Variants in DCT observed in about 807,000 individuals in gnomAD.
The protein encoded by DCT is dopachrome tautomerase.
A neutral mutation model predicts 53.0 loss-of-function variants in DCT; 47 were observed. The observed-to-expected ratio is 0.89, with a 90% CI of 0.70 to 1.13. DCT has a LOEUF of 1.13. Among genes scored for constraint, DCT ranks in the 50% most tolerant of loss-of-function variants. The probability of loss-of-function intolerance (pLI) is 0.00; values close to 1 mark genes in which losing one functional copy is unlikely to be tolerated. For missense variants in DCT, 669 were observed against 637.4 expected (o/e 1.05, Z -0.53); for synonymous variants, 244 against 237.0 (o/e 1.03, Z -0.27).
chr13:94,508,556 T>C, the DCT span, among the ~76,000 whole-genome samples: 4 of 152,186 alleles, frequency 2.6e-5, no homozygotes, highest in African/African-American at 7.2e-5. Flanking sequence ...AACCTTGTCA[T>C]AAAAATGAAA....
At chr13:94,505,928 T>A in the DCT span, among the ~76,000 whole-genome samples, 1 of 152,124 alleles carries the variant, frequency 6.6e-6, no homozygotes, top group Admixed American at 6.6e-5. Flanking sequence ...AAGTGAATTA[T>A]CTCCAGCTGA....
the DCT span, among the ~76,000 whole-genome samples, chr13:94,539,726 T>C: frequency 1.3e-5 from 2 of 152,088 alleles, no homozygotes; most frequent in Non-Finnish European, 2.9e-5. Context: ...TTAGGGAACA[T>C]AAACATGATT....
chr13:94,540,684 G>A, the DCT span, among the ~76,000 whole-genome samples: 3,335 of 152,234 alleles, frequency 0.022, 44 homozygotes, highest in Non-Finnish European at 0.032. Flanking sequence ...GGGAACCCTC[G>A]TACACTGTTG....
rs558487283 is a variant in DCT at position 94,444,348 on chromosome 13, G to A, written c.1180-711C>T. ...ATCAATATTATAATATAAAGGAACA[G>A]TAAATTTTTCTCACCAGGAATACTC... On this transcript the variant is annotated intron_variant, in intron 6 of 7. Coordinates refer to ENST00000377028, the MANE Select transcript of DCT (RefSeq NM_001922.5). 6 of 511,688 alleles carry A rather than the reference G, an allele frequency of 1.2e-5. No individual in the cohort carries two copies. The East Asian group carries it at 3.3e-4, about 28-fold the overall frequency. The allele number at this position is 511,688 out of a possible 1,614,324, so 31.7% of individuals were successfully genotyped here. A position where few individuals can be genotyped will look rare whatever the true frequency, so the allele number is the denominator to read the frequency against.
rs1462288212 is a variant in DCT at position 94,438,155 on chromosome 13, A to T, written c.*1743T>A. 1.3e-5 allele frequency: 2 copies of T among 152,338 alleles called. No homozygotes were observed. Among genetic ancestry groups the T allele is most frequent in the African/African-American group, 4.8e-5 (2 of 41,462 alleles). 9.4% of individuals were successfully genotyped at this position (152,338 alleles called of 1,614,324 possible). A position where few individuals can be genotyped will look rare whatever the true frequency, so the allele number is the denominator to read the frequency against. ...TTTTAATAAATTTCTCTTTTTGTTT[A>T]AAACCAAGATTTAAAAATGTGTTCC... is the stretch of plus-strand genomic sequence containing the variant. On this transcript the variant is annotated 3_prime_UTR_variant, in exon 8 of 8. Transcript: ENST00000377028.
At chr13:94,477,181 T>C (rs10444614) in intron 1 of DCT, among the ~76,000 whole-genome samples, 65,731 of 151,816 alleles carry the variant, frequency 0.43, 15,304 homozygotes, top group African/African-American at 0.59. Flanking sequence ...CTGCAACCTC[T>C]GCCTCCTGGG....
At chr13:94,493,505 A>G in the DCT span, among the ~76,000 whole-genome samples, 2 of 152,194 alleles carry the variant, frequency 1.3e-5, no homozygotes, top group African/African-American at 4.8e-5. Flanking sequence ...TTCACTGGTG[A>G]ATTCTTAGGT....
intron 7 of DCT, among the ~76,000 whole-genome samples, chr13:94,441,007 C>T (rs1467013928): frequency 2.0e-5 from 3 of 152,076 alleles, no homozygotes; most frequent in African/African-American, 7.2e-5. Flanking sequence ...ATACATATGC[C>T]TATTTTTCAT....
At chr13:94,548,114 C>T in the DCT span, among the ~76,000 whole-genome samples, 1 of 151,430 alleles carries the variant, frequency 6.6e-6, no homozygotes, top group Non-Finnish European at 1.5e-5. Flanking sequence ...CCTGTCTTGA[C>T]TACACATCTC....
chr13:94,445,179 C>A (rs1882637523), intron 6 of DCT, among the ~76,000 whole-genome samples: 1 of 152,230 alleles, frequency 6.6e-6, no homozygotes, highest in Admixed American at 6.5e-5. Context: ...TCTTGACTAA[C>A]ATGCTTTTCT....
At chr13:94,523,185 T>C in the DCT span, among the ~76,000 whole-genome samples, 2 of 152,216 alleles carry the variant, frequency 1.3e-5, no homozygotes, top group Non-Finnish European at 2.9e-5. Flanking sequence ...AGAAGCTCCA[T>C]CTTGGGATGC....
At chr13:94,472,542 ATATATATATATATATATATATATATATTT>A (rs1320121602) in intron 1 of DCT, among the ~76,000 whole-genome samples, 8 of 32,338 alleles carry the variant, frequency 2.5e-4, no homozygotes, top group East Asian at 1.4e-3. Context: ...ATATATATAT[ATATATATATATATATATATATATATATTT>A]TTTTTTTTTT....
intron 6 of DCT, among the ~76,000 whole-genome samples, chr13:94,452,843 GA>G (rs1211465411): frequency 6.6e-6 from 1 of 152,132 alleles, no homozygotes; most frequent in East Asian, 1.9e-4. Flanking sequence ...CAAAGGGACA[GA>G]GGGGTCTATA....
At chr13:94,519,029 C>A in the DCT span, among the ~76,000 whole-genome samples, 1 of 152,140 alleles carries the variant, frequency 6.6e-6, no homozygotes, top group Admixed American at 6.6e-5. Context: ...CCCCACCCAC[C>A]ATTGCCCCCT....
Position 94,439,713 on chromosome 13 carries a change from TGTTA to T in DCT, c.*181_*184del. 2.2e-6 allele frequency: 1 copy of T among 449,626 alleles called. No individual in the cohort carries two copies. Among genetic ancestry groups the T allele is most frequent in the Non-Finnish European group, 3.9e-6 (1 of 257,906 alleles). The allele number at this position is 449,626 out of a possible 1,614,324, so 27.9% of individuals were successfully genotyped here. A position where few individuals can be genotyped will look rare whatever the true frequency, so the allele number is the denominator to read the frequency against. The stretch of plus-strand genomic sequence containing the variant: ...TAGCCTCAAGCACTTTAGTTGGGTT[TGTTA>T]AACAAGCAAGCAAAGCGGAAACTAC... On this transcript the variant is annotated 3_prime_UTR_variant, in exon 8 of 8. Transcript: ENST00000377028.
the DCT span, among the ~76,000 whole-genome samples, chr13:94,505,136 T>C: frequency 1.3e-5 from 2 of 151,378 alleles, no homozygotes; most frequent in African/African-American, 4.9e-5. Context: ...GTCACAGAAA[T>C]ACTCTTTGTT....
intron 4 of DCT, among the ~76,000 whole-genome samples, 191 bp from the exon 5 acceptor site, chr13:94,462,380 G>T (rs562722378): frequency 6.6e-6 from 1 of 151,766 alleles, no homozygotes; most frequent in South Asian, 2.1e-4. Context: ...TGTGCCTGTT[G>T]TCCCAGCTAC....
At chr13:94,522,605 T>C in the DCT span, among the ~76,000 whole-genome samples, 1 of 152,224 alleles carries the variant, frequency 6.6e-6, no homozygotes, top group African/African-American at 2.4e-5. Flanking sequence ...TAATTGTGAA[T>C]TCGATGCTAA....
chr13:94,479,128 C>A lies in DCT; in HGVS notation c.128G>T (p.Arg43Leu), dbSNP rs747362144. The A allele has an allele frequency of 6.2e-7, 1 of 1,614,206 alleles. No individual in the cohort carries two copies. Among genetic ancestry groups the A allele is most frequent in the Non-Finnish European group, 8.5e-7 (1 of 1,180,030 alleles). The change falls in exon 1 of 8, where the codon CGC becomes CTC. Residue 43 changes from arginine (R) to leucine (L), a missense_variant. By Grantham distance (102) the Arg-to-Leu change is moderately radical. Transcript: ENST00000377028. Reference protein sequence around the residue: ...DSLVNKECCPRLGAESANVCG... With the variant: ...DSLVNKECCPLLGAESANVCG... ...GACATTGGCCGACTCTGCACCCAGGCGTGGGCAGCACTCCTTGTTCACTAG... is the reference window on the plus strand; with the variant it reads ...GACATTGGCCGACTCTGCACCCAGGAGTGGGCAGCACTCCTTGTTCACTAG...
Sources: gnomAD v4.1 joint callset for allele counts (sites outside exome capture counted in the v4.1 genomes callset) on GRCh38, gnomAD v4.1.1 for gene constraint, MANE v1.5 for transcripts, NCBI Gene and HGNC (gene_info 2026-07-23, HGNC 2026-07-21) for gene names.